The following TRDN variants were observed in gnomAD, a reference collection of about 807,000 sequenced individuals.
TRDN encodes the protein triadin.
In TRDN, 161 loss-of-function variants were observed where a neutral mutation model predicts 149.7. The observed-to-expected ratio is 1.08, with a 90% CI of 0.95 to 1.23. TRDN has a LOEUF of 1.23. Among genes scored for constraint, TRDN ranks in the 50% most tolerant of loss-of-function variants. The pLI is 0.00. For synonymous variants in TRDN, 294 were observed against 250.5 expected, an observed-to-expected ratio of 1.17 and a Z score of -1.64; for missense variants, 896 against 823.5, an observed-to-expected ratio of 1.09 and a Z score of -1.08.
chr6:123,348,740 C>A (rs2060064), intron 21 of TRDN, among the ~76,000 whole-genome samples: 106,210 of 151,938 alleles, frequency 0.7, 38,622 homozygotes, highest in East Asian at 0.92. Context: ...AAATATTAAT[C>A]GATAAAAAAT....
Position 123,217,895 on chromosome 6 carries a change from T to C in TRDN, c.*706A>G, listed in dbSNP as rs1232576158. ...GATTCACCAGACCTGACTAATTGAA[T>C]GGTGTATTTCCACTGGACTGAATGT... is the stretch of plus-strand genomic sequence containing the variant. On this transcript the variant is annotated 3_prime_UTR_variant, in exon 41 of 41. Coordinates refer to ENST00000334268, the MANE Select transcript of TRDN (RefSeq NM_006073.4). 2.0e-5 allele frequency: 3 copies of C among 151,980 alleles called. No individual in the cohort carries two copies. Among genetic ancestry groups the C allele is most frequent in the East Asian group, 3.9e-4 (2 of 5,142 alleles). 9.4% of individuals were successfully genotyped at this position (151,980 alleles called of 1,614,324 possible).
Position 123,377,870 on chromosome 6 carries a change from T to G in TRDN, c.1215A>C (p.Glu405Asp). 1 of 1,552,870 alleles carries G rather than the reference T, an allele frequency of 6.4e-7. No homozygotes were observed. Among genetic ancestry groups the G allele is most frequent in the South Asian group, 1.2e-5 (1 of 86,330 alleles). ...GAGGAATTTAAAAACAGTTACCTGG[T>G]TCCACATGTTTTTCTTTCTTTTCCT... ...KKQEKKEKHV[E>D]PAKSPKKEHS... Residue 405 changes from glutamate to aspartate, a missense_variant, in exon 17 of 41, where the codon GAA (glutamate) becomes GAC (aspartate). Physicochemically the swap from Glu to Asp is conservative, Grantham distance 45 (BLOSUM62 2). Coordinates refer to ENST00000334268, the MANE Select transcript of TRDN (RefSeq NM_006073.4).
chr6:123,217,020 G>A lies in TRDN; in HGVS notation c.*1581C>T, dbSNP rs1382912286. On this transcript the variant is annotated 3_prime_UTR_variant, in exon 41 of 41. Coordinates refer to ENST00000334268, the MANE Select transcript of TRDN (RefSeq NM_006073.4). ...CCACAAGTTTAGATTGTCACCTGAA[G>A]GGGCTTTGCAAGATGGTATTGTCTG... The A allele has an allele frequency of 1.3e-5, 2 of 151,930 alleles. No individual in the cohort carries two copies. The highest frequency in any genetic ancestry group is 2.4e-5 in the African/African-American group (1 of 41,410). The allele number at this position is 151,930 out of a possible 1,614,324, so 9.4% of individuals were successfully genotyped here.
chr6:123,340,084 T>A (rs933941295), intron 21 of TRDN, among the ~76,000 whole-genome samples: 4 of 152,162 alleles, frequency 2.6e-5, no homozygotes, highest in African/African-American at 9.6e-5. Flanking sequence ...CAAAGAGCTT[T>A]TACTTTTAAT....
intron 24 of TRDN, among the ~76,000 whole-genome samples, chr6:123,280,649 TTTC>T (rs1304330197): frequency 1.4e-3 from 98 of 70,898 alleles, no homozygotes; most frequent in Non-Finnish European, 2.3e-3. Context: ...TCTTCTTTTC[TTTC>T]TTTTTTTTTT....
At chr6:123,483,064 CA>C (rs1377931837) in intron 9 of TRDN, among the ~76,000 whole-genome samples, 2 of 129,682 alleles carry the variant, frequency 1.5e-5, no homozygotes, top group Non-Finnish European at 3.2e-5. Context: ...ATTGATTTCT[CA>C]TTTATTATTA....
intron 38 of TRDN, among the ~76,000 whole-genome samples, chr6:123,224,366 C>T (rs959277027): frequency 4.0e-5 from 6 of 151,712 alleles, no homozygotes; most frequent in Non-Finnish European, 2.9e-5. Context: ...GTAAAGGTTA[C>T]TTAGGGAAAA....
At chr6:123,502,343 T>C (rs893557153) in intron 8 of TRDN, 1 of 774,616 alleles carries the variant, frequency 1.3e-6, no homozygotes. Flanking sequence ...TTAAATTTTT[T>C]TCATGGTGAT....
intron 23 of TRDN, among the ~76,000 whole-genome samples, chr6:123,322,647 TTATTA>T (rs1779286519): frequency 3.5e-5 from 5 of 142,228 alleles, no homozygotes; most frequent in Middle Eastern, 7.3e-3. Context: ...ATTATTATTA[TTATTA>T]TTATTTTTGA....
chr6:123,255,834 T>G, intron 36 of TRDN, 33 bp downstream of exon 36: 3 of 1,305,740 alleles, frequency 2.3e-6, no homozygotes, highest in Non-Finnish European at 3.0e-6. Context: ...TTCAGGGCTT[T>G]GCATTCTATT....
chr6:123,507,436 A>G (rs893965120), intron 7 of TRDN, among the ~76,000 whole-genome samples: 4 of 152,108 alleles, frequency 2.6e-5, no homozygotes, highest in Non-Finnish European at 4.4e-5. Context: ...CTACTATTTT[A>G]GACACTCTTC....
intron 23 of TRDN, among the ~76,000 whole-genome samples, chr6:123,318,182 A>T (rs1480910452): frequency 1.3e-5 from 2 of 151,984 alleles, no homozygotes; most frequent in Non-Finnish European, 2.9e-5. Flanking sequence ...TGGAAAGGAA[A>T]CAACTTTTTC....
At chr6:123,602,181 C>T (rs1784311879) in intron 1 of TRDN, among the ~76,000 whole-genome samples, 1 of 151,992 alleles carries the variant, frequency 6.6e-6, no homozygotes, top group African/African-American at 2.4e-5. Context: ...ATATAACCAA[C>T]CTAAATGCCC....
intron 9 of TRDN, among the ~76,000 whole-genome samples, chr6:123,494,207 A>G (rs911366520): frequency 1.3e-5 from 2 of 152,180 alleles, no homozygotes; most frequent in Non-Finnish European, 2.9e-5. Flanking sequence ...GGAATACTCT[A>G]TAATGTTGTA....
At chr6:123,430,322 C>T (rs1320730197) in intron 12 of TRDN, among the ~76,000 whole-genome samples, 3 of 152,000 alleles carry the variant, frequency 2.0e-5, no homozygotes, top group Non-Finnish European at 2.9e-5. Flanking sequence ...GTGGCTCATA[C>T]GTGTAATCCC....
intron 9 of TRDN, chr6:123,471,556 C>A (rs1371341986): frequency 6.6e-6 from 1 of 151,978 alleles, no homozygotes; most frequent in Admixed American, 6.6e-5. Flanking sequence ...TTTAAAACAC[C>A]AACAGCTTAA....
intron 12 of TRDN, among the ~76,000 whole-genome samples, chr6:123,418,231 C>T (rs959233618): frequency 3.3e-5 from 5 of 152,094 alleles, no homozygotes; most frequent in African/African-American, 1.2e-4. Flanking sequence ...TGCCCTCCAG[C>T]AACTCAGTAG....
intron 10 of TRDN, among the ~76,000 whole-genome samples, chr6:123,452,407 T>C (rs1775829258): frequency 6.6e-6 from 1 of 152,064 alleles, no homozygotes; most frequent in South Asian, 2.1e-4. Flanking sequence ...AGTTTCCAGA[T>C]ACAAGATTAA....
chr6:123,298,754 G>A (rs1380394375), intron 24 of TRDN, among the ~76,000 whole-genome samples: 1 of 151,964 alleles, frequency 6.6e-6, no homozygotes, highest in Non-Finnish European at 1.5e-5. Context: ...AAAATATTGG[G>A]GAGGGAGTTG....
Sources: allele counts gnomAD v4.1 joint callset (sites outside exome capture counted in the v4.1 genomes callset), GRCh38; gene constraint gnomAD v4.1.1; transcripts MANE v1.5; gene names NCBI Gene and HGNC (gene_info 2026-07-23, HGNC 2026-07-21).